Variants in NBPF8 observed in about 807,000 individuals in gnomAD.
The protein encoded by NBPF8 is NBPF member 8, also known as NBPF family member NBPF8.
At chr1:120,415,507 C>T (rs1455298138), upstream of NBPF8, among the ~76,000 whole-genome samples, 1 of 152,166 alleles carries the variant, frequency 6.6e-6, no homozygotes, top group Non-Finnish European at 1.5e-5. Flanking sequence ...GGAAGAAACT[C>T]GCTGGCGGGT....
intron 16 of NBPF8, among the ~76,000 whole-genome samples, chr1:120,456,312 G>C (rs1434233205): frequency 6.7e-6 from 1 of 150,350 alleles, no homozygotes; most frequent in Non-Finnish European, 1.5e-5. Flanking sequence ...TCAAGTCCTG[G>C]ATATCCTTGT....
chr1:120,464,366 C>A lies in NBPF8; in HGVS notation n.3287-10C>A. ...CCTGGCGTATTCTTTACTTTTTCCT[C>A]CTTTTCCAGGCTCAGCAGGGAGCTG... On this transcript the variant is annotated splice_polypyrimidine_tract_variant and intron_variant and non_coding_transcript_variant, in intron 22 of 24. Transcript: ENST00000583271. The A allele has an allele frequency of 1.3e-6, 1 of 776,242 alleles. No individual in the cohort carries two copies. Among genetic ancestry groups the A allele is most frequent in the Non-Finnish European group, 2.3e-6 (1 of 434,588 alleles). 48.1% of individuals were successfully genotyped at this position (776,242 alleles called of 1,614,324 possible).
upstream of NBPF8, among the ~76,000 whole-genome samples, chr1:120,419,166 C>G (rs1570922509): frequency 2.6e-5 from 4 of 152,314 alleles, no homozygotes; most frequent in East Asian, 7.7e-4. Flanking sequence ...AATAAAATAG[C>G]TTGTATACAG....
intron 3 of NBPF8, among the ~76,000 whole-genome samples, chr1:120,428,697 G>A (rs1660788795): frequency 1.3e-5 from 2 of 151,802 alleles, no homozygotes; most frequent in South Asian, 4.1e-4. Flanking sequence ...GTGGTTCTCT[G>A]TGAGCATCTC....
chr1:120,419,555 C>G (rs1660516953), upstream of NBPF8, among the ~76,000 whole-genome samples: 2 of 152,200 alleles, frequency 1.3e-5, no homozygotes, highest in African/African-American at 4.8e-5. Flanking sequence ...TAATTCGAGG[C>G]TCAAGGAATC....
At chr1:120,460,335 C>A (rs1388578441) in intron 17 of NBPF8, among the ~76,000 whole-genome samples, 1 of 152,096 alleles carries the variant, frequency 6.6e-6, no homozygotes, top group Non-Finnish European at 1.5e-5. Flanking sequence ...AAACCTAGGA[C>A]AGAGCACATA....
chr1:120,455,984 G>C (rs1460001652), intron 16 of NBPF8, among the ~76,000 whole-genome samples: 8 of 151,908 alleles, frequency 5.3e-5, no homozygotes, highest in Non-Finnish European at 1.2e-4. Flanking sequence ...TTTCTCATTG[G>C]TTTCAAAGAA....
At chr1:120,464,303 C>G (rs1352359270) in intron 22 of NBPF8, 73 bp from the exon 21 acceptor site, 1 of 715,180 alleles carries the variant, frequency 1.4e-6, no homozygotes. Flanking sequence ...TTATGCTACC[C>G]ATGAAACCTA....
intron 1 of NBPF8, among the ~76,000 whole-genome samples, chr1:120,422,156 C>T (rs1375965030): frequency 2.0e-5 from 3 of 152,204 alleles, no homozygotes; most frequent in Non-Finnish European, 2.9e-5. Context: ...GCTCCCCTGT[C>T]CTCCAGCACA....
At chr1:120,434,159 G>T (rs1184724415), upstream of NBPF8, 2 of 151,576 alleles carry the variant, frequency 1.3e-5, no homozygotes, top group East Asian at 3.8e-4. Context: ...CGATGCAGGT[G>T]CTGTCCTCCT....
chr1:120,415,789 C>T (rs1660420031), upstream of NBPF8, among the ~76,000 whole-genome samples: 1 of 152,150 alleles, frequency 6.6e-6, no homozygotes, highest in Non-Finnish European at 1.5e-5. Flanking sequence ...TCATGACTAG[C>T]GGGGCAGGCC....
At chr1:120,464,505 T>A (rs1661688724) in exon 23 of NBPF8, 13 of 1,074,806 alleles carry the variant, frequency 1.2e-5, no homozygotes, top group Non-Finnish European at 1.9e-5. Context: ...GTTCCTTTTA[T>A]GCATTGGAGG....
chr1:120,453,667 C>T (rs2101681780), intron 14 of NBPF8, among the ~76,000 whole-genome samples: 1 of 151,374 alleles, frequency 6.6e-6, no homozygotes, highest in East Asian at 1.9e-4. Context: ...AGTCTTCATC[C>T]TCCTCAGCTC....
intron 1 of NBPF8, among the ~76,000 whole-genome samples, chr1:120,420,417 A>T (rs1660541140): frequency 3.2e-5 from 4 of 125,268 alleles, no homozygotes; most frequent in Admixed American, 3.0e-4. Context: ...TTCCCCTCTT[A>T]CCCCCCATTC....
chr1:120,433,532 G>A (rs1162345566), upstream of NBPF8: 1 of 155,020 alleles, frequency 6.5e-6, no homozygotes, highest in Non-Finnish European at 1.5e-5. Flanking sequence ...CCCAGCCCAT[G>A]TGGTTTTGGC....
upstream of NBPF8, chr1:120,432,976 A>G (rs1317458139): frequency 4.6e-5 from 7 of 152,342 alleles, no homozygotes; most frequent in South Asian, 1.0e-3. Flanking sequence ...TCAATAAAAC[A>G]TAATAGAGAT....
chr1:120,424,437 A>C (rs1473887571), intron 1 of NBPF8, among the ~76,000 whole-genome samples: 5 of 151,866 alleles, frequency 3.3e-5, no homozygotes, highest in African/African-American at 1.2e-4. Flanking sequence ...TTAAGTAGTG[A>C]ACCGTCTTTA....
chr1:120,430,965 C>A (rs1439858570), intron 3 of NBPF8, among the ~76,000 whole-genome samples: 3 of 150,914 alleles, frequency 2.0e-5, no homozygotes, highest in Non-Finnish European at 1.5e-5. Flanking sequence ...AAATTCCAAC[C>A]GGCATTTTGG....
At chr1:120,460,382 A>G (rs1317368997) in intron 17 of NBPF8, among the ~76,000 whole-genome samples, 191 bp from the exon 16 acceptor site, 31 of 152,320 alleles carry the variant, frequency 2.0e-4, no homozygotes, top group Non-Finnish European at 4.0e-4. Flanking sequence ...AATTTTGCCC[A>G]AGGCTCATGA....
Sources: gnomAD v4.1 joint callset for allele counts (sites outside exome capture counted in the v4.1 genomes callset) on GRCh38, gnomAD v4.1.1 for gene constraint, MANE v1.5 for transcripts, NCBI Gene and HGNC (gene_info 2026-07-23, HGNC 2026-07-21) for gene names.